ZNF532: variants seen among roughly 807,000 people sequenced by gnomAD.
ZNF532 encodes the protein zinc finger protein 532.
Under a neutral mutation model 89.3 loss-of-function variants are expected in ZNF532, and 22 were observed. The ratio of observed to expected loss-of-function variants is 0.25; its 90% confidence interval spans 0.18 to 0.35. ZNF532 has a LOEUF of 0.35. ZNF532 is among the 10% of genes least tolerant of loss of function. The probability of loss-of-function intolerance (pLI) is 1.00; values close to 1 mark genes in which losing one functional copy is unlikely to be tolerated. For missense variants in ZNF532, 1,132 were observed against 1,643.4 expected, an observed-to-expected ratio of 0.69 and a Z score of 5.38; for synonymous variants, 606 against 649.6, an observed-to-expected ratio of 0.93 and a Z score of 1.02.
chr18:58,934,406 C>A, intron 3 of ZNF532, 27 bp from the exon 4 acceptor site: 1 of 1,606,736 alleles, frequency 6.2e-7, no homozygotes, highest in Non-Finnish European at 8.5e-7. Context: ...GTAGGACCAA[C>A]CCTGTTTCCC....
At chr18:58,871,216 C>G (rs2056953196) in intron 2 of ZNF532, among the ~76,000 whole-genome samples, 1 of 152,106 alleles carries the variant, frequency 6.6e-6, no homozygotes, top group South Asian at 2.1e-4. Context: ...CACTTTACGT[C>G]TGTTATCCCA....
intron 7 of ZNF532, among the ~76,000 whole-genome samples, chr18:58,966,686 T>C (rs1187209435): frequency 6.6e-6 from 1 of 151,786 alleles, no homozygotes; most frequent in Non-Finnish European, 1.5e-5. Context: ...CAAATAAGAC[T>C]GTAAAATATT....
intron 2 of ZNF532, among the ~76,000 whole-genome samples, chr18:58,882,999 T>C (rs542890255): frequency 6.6e-6 from 1 of 152,322 alleles, no homozygotes; most frequent in East Asian, 1.9e-4. Flanking sequence ...TTCCCCTTTC[T>C]TGGGTGGAAA....
At chr18:58,883,457 C>T (rs890156464) in intron 2 of ZNF532, among the ~76,000 whole-genome samples, 1 of 152,056 alleles carries the variant, frequency 6.6e-6, no homozygotes, top group Non-Finnish European at 1.5e-5. Context: ...TTGTCCACTC[C>T]CTCAATTAAT....
At chr18:58,911,422 G>T (rs968006076) in intron 2 of ZNF532, among the ~76,000 whole-genome samples, 1 of 152,298 alleles carries the variant, frequency 6.6e-6, no homozygotes, top group Non-Finnish European at 1.5e-5. Context: ...GGAGAGATTA[G>T]TAACATCTGC....
chr18:58,926,544 C>T (rs1413625614), intron 3 of ZNF532, among the ~76,000 whole-genome samples: 1 of 152,144 alleles, frequency 6.6e-6, no homozygotes, highest in Non-Finnish European at 1.5e-5. Flanking sequence ...GATGGGGTTT[C>T]TCCATGTTGG....
chr18:58,963,603 ATGTGTGTGTGTGTGTGTGTGTGTGTGTG>A (rs60644289), intron 7 of ZNF532, among the ~76,000 whole-genome samples: 4 of 143,778 alleles, frequency 2.8e-5, no homozygotes, highest in East Asian at 2.0e-4. Context: ...AAAGAAAAAA[ATGTGTGTGTGTGTGTGTGTGTGTGTGTG>A]TGTGTGTGTG....
intron 5 of ZNF532, among the ~76,000 whole-genome samples, chr18:58,941,799 C>T (rs887365094): frequency 5.3e-5 from 8 of 151,440 alleles, no homozygotes; most frequent in Non-Finnish European, 1.0e-4. Context: ...TTTTTCTTTT[C>T]TCTTTTCTTT....
intron 7 of ZNF532, among the ~76,000 whole-genome samples, chr18:58,962,157 T>C (rs1603300781): frequency 6.8e-6 from 1 of 147,868 alleles, no homozygotes; most frequent in Admixed American, 6.8e-5. Context: ...ACCCGGGAGG[T>C]GAAGGTTGCG....
chr18:58,912,485 G>A (rs2060339997), intron 2 of ZNF532, among the ~76,000 whole-genome samples: 3 of 152,326 alleles, frequency 2.0e-5, no homozygotes, highest in Admixed American at 2.0e-4. Flanking sequence ...TGTGCTGAGA[G>A]GGGGCAGAGT....
chr18:58,938,419 T>G (rs1317679417), intron 4 of ZNF532, among the ~76,000 whole-genome samples: 2 of 152,220 alleles, frequency 1.3e-5, no homozygotes, highest in Non-Finnish European at 2.9e-5. Flanking sequence ...TTGTCTTTGT[T>G]GGATTATATT....
At chr18:58,864,737 C>G (rs959948404), upstream of ZNF532, 10 of 152,228 alleles carry the variant, frequency 6.6e-5, no homozygotes, top group African/African-American at 2.2e-4. Flanking sequence ...CGAGATCCCC[C>G]CTGTGCTGAT....
chr18:58,986,081 C>G lies in ZNF532; in HGVS notation c.*1615C>G, dbSNP rs2068363239. The G allele has an allele frequency of 6.6e-6, 1 of 152,594 alleles. No individual in the cohort carries two copies. The highest frequency in any genetic ancestry group is 2.4e-5 in the African/African-American group (1 of 41,424). The allele number at this position is 152,594 out of a possible 1,614,324, so 9.5% of individuals were successfully genotyped here. On this transcript the variant is annotated 3_prime_UTR_variant, in exon 10 of 10. Coordinates refer to ENST00000591808, the MANE Select transcript of ZNF532 (RefSeq NM_001375912.1). ...CACTCAGAAGAATGGCATATTCGTT[C>G]TCATTAGTAATCAGCTATTTTGTCA...
chr18:58,890,225 G>A (rs1447014061), intron 2 of ZNF532, among the ~76,000 whole-genome samples: 1 of 151,708 alleles, frequency 6.6e-6, no homozygotes, highest in Non-Finnish European at 1.5e-5. Flanking sequence ...CCAGCCTGGG[G>A]AGGAAAAATA....
chr18:58,931,113 C>A (rs966995298), intron 3 of ZNF532, among the ~76,000 whole-genome samples: 1 of 151,996 alleles, frequency 6.6e-6, no homozygotes, highest in Non-Finnish European at 1.5e-5. Context: ...ACCTAAGTAC[C>A]GAAAACATTT....
intron 7 of ZNF532, among the ~76,000 whole-genome samples, chr18:58,964,534 T>TG (rs1491474862): frequency 1.9e-4 from 24 of 128,376 alleles, no homozygotes; most frequent in Admixed American, 1.2e-3. Flanking sequence ...TGATATTTTG[T>TG]TTGTGTGTGT....
At chr18:58,898,998 C>T (rs1227454369) in intron 2 of ZNF532, among the ~76,000 whole-genome samples, 12 of 152,268 alleles carry the variant, frequency 7.9e-5, no homozygotes, top group Admixed American at 7.8e-4. Flanking sequence ...AATGGGTTGT[C>T]TACCACGCAG....
intron 3 of ZNF532, among the ~76,000 whole-genome samples, chr18:58,924,254 A>G (rs1339900447): frequency 2.6e-5 from 4 of 152,338 alleles, no homozygotes; most frequent in South Asian, 2.1e-4. Context: ...ACCAGTCTAC[A>G]CTGTAACTTT....
At chr18:58,886,596 A>C (rs553836345) in intron 2 of ZNF532, among the ~76,000 whole-genome samples, 2 of 152,340 alleles carry the variant, frequency 1.3e-5, no homozygotes, top group South Asian at 2.1e-4. Context: ...CCACAATCTG[A>C]AAAATAAAGG....
Sources: allele counts gnomAD v4.1 joint callset (sites outside exome capture counted in the v4.1 genomes callset), GRCh38; gene constraint gnomAD v4.1.1; transcripts MANE v1.5; gene names NCBI Gene and HGNC (gene_info 2026-07-23, HGNC 2026-07-21).